TXLNB: variants seen among roughly 807,000 people sequenced by gnomAD.
TXLNB encodes beta-taxilin.
Under a neutral mutation model 57.4 loss-of-function variants are expected in TXLNB, and 37 were observed. The observed-to-expected ratio is 0.64, with a 90% CI of 0.50 to 0.85. The LOEUF is 0.85. Among genes scored for constraint, TXLNB ranks in the 40% least tolerant of loss-of-function variants. The pLI is 0.00. For synonymous variants in TXLNB, 302 were observed against 309.6 expected (o/e 0.98, Z 0.26); for missense variants, 848 against 825.6 (o/e 1.03, Z -0.33).
rs547417358 is a variant in TXLNB at position 139,240,090 on chromosome 6, T to C, written c.*2436A>G. 3 of 152,038 alleles carry C rather than the reference T, an allele frequency of 2.0e-5. No homozygotes were observed. Among genetic ancestry groups the C allele is most frequent in the East Asian group, 1.9e-4 (1 of 5,192 alleles). The allele number at this position is 152,038 out of a possible 1,614,324, so 9.4% of individuals were successfully genotyped here. On this transcript the variant is annotated 3_prime_UTR_variant, in exon 10 of 10. Transcript: ENST00000358430. ...GGAAGAGAAGTACCTTTTTAATAGA[T>C]ATATAAATTATAGTTATTTAACTTA...
the TXLNB span, chr6:139,180,774 A>G: frequency 1.3e-5 from 2 of 152,628 alleles, no homozygotes; most frequent in African/African-American, 2.4e-5. Context: ...AAATGTATGT[A>G]TTAAAAATAA....
At chr6:139,190,161 T>A in the TXLNB span, among the ~76,000 whole-genome samples, 1 of 152,198 alleles carries the variant, frequency 6.6e-6, no homozygotes, top group South Asian at 2.1e-4. Context: ...TGATTCTTAG[T>A]CTGTTCAGGC....
chr6:139,208,902 C>T, the TXLNB span, among the ~76,000 whole-genome samples: 1 of 152,134 alleles, frequency 6.6e-6, no homozygotes, highest in Non-Finnish European at 1.5e-5. Flanking sequence ...CCCACTTTCA[C>T]CACTTCCATT....
chr6:139,184,057 A>AGC, the TXLNB span, among the ~76,000 whole-genome samples: 76 of 152,316 alleles, frequency 5.0e-4, no homozygotes, highest in Middle Eastern at 3.4e-3. Flanking sequence ...TTGTGGAGTC[A>AGC]GCGCTTCGTG....
intron 3 of TXLNB, among the ~76,000 whole-genome samples, chr6:139,274,105 A>G (rs949394527): frequency 3.3e-5 from 5 of 152,254 alleles, no homozygotes; most frequent in Non-Finnish European, 7.3e-5. Flanking sequence ...TCTTAACTAC[A>G]TAAGAATTGA....
chr6:139,288,988 GATATCCCCCAA>G, intron 1 of TXLNB, 75 bp from the exon 2 acceptor site: 1 of 1,078,814 alleles, frequency 9.3e-7, no homozygotes, highest in Non-Finnish European at 1.3e-6. Flanking sequence ...CAATGGTAAG[GATATCCCCCAA>G]GTGAATACCA....
At chr6:139,185,337 A>G in the TXLNB span, among the ~76,000 whole-genome samples, 1 of 152,198 alleles carries the variant, frequency 6.6e-6, no homozygotes, top group Admixed American at 6.5e-5. Context: ...CCTTTGATGA[A>G]TAATATATGA....
Position 139,270,465 on chromosome 6 carries a change from CTTG to C in TXLNB, c.675_677del (p.Asn225del), listed in dbSNP as rs761862584. ...AGGCATGGGGACATACCTTCAGAGT[CTTG>C]TTGTGTCTCTGCAGCTCCCGGCACA... On this transcript the variant is annotated inframe_deletion, in exon 4 of 10. Transcript: ENST00000358430. The C allele has an allele frequency of 3.7e-5, 59 of 1,613,806 alleles. No homozygotes were observed. The highest frequency in any genetic ancestry group is 3.3e-4 in the Middle Eastern group (2 of 6,062).
At chr6:139,305,579 TA>T in the TXLNB span, among the ~76,000 whole-genome samples, 15 of 152,224 alleles carry the variant, frequency 9.9e-5, no homozygotes. Flanking sequence ...TATCAGTTTA[TA>T]AATTGTTAGA....
the TXLNB span, among the ~76,000 whole-genome samples, chr6:139,163,097 C>G: frequency 6.6e-6 from 1 of 152,216 alleles, no homozygotes; most frequent in Non-Finnish European, 1.5e-5. Flanking sequence ...CTCATTTTGG[C>G]TGGGACTTTT....
At chr6:139,254,894 C>T (rs1232048299) in intron 7 of TXLNB, among the ~76,000 whole-genome samples, 1 of 151,922 alleles carries the variant, frequency 6.6e-6, no homozygotes, top group African/African-American at 2.4e-5. Flanking sequence ...TCTCGGCTCA[C>T]TGCAGCCTCC....
chr6:139,194,879 T>G, the TXLNB span, among the ~76,000 whole-genome samples: 4 of 152,252 alleles, frequency 2.6e-5, no homozygotes, highest in Non-Finnish European at 1.5e-5. Flanking sequence ...GAGGTCTCCC[T>G]GCTATTCTTC....
At chr6:139,245,984 C>T (rs140024453) in intron 8 of TXLNB, among the ~76,000 whole-genome samples, 1 of 152,266 alleles carries the variant, frequency 6.6e-6, no homozygotes, top group Non-Finnish European at 1.5e-5. Flanking sequence ...TGAGCCACTG[C>T]GCCCAGCCAG....
At chr6:139,194,179 G>C in the TXLNB span, among the ~76,000 whole-genome samples, 2 of 152,138 alleles carry the variant, frequency 1.3e-5, no homozygotes, top group African/African-American at 4.8e-5. Context: ...TTGTCCTCAT[G>C]ATCCACCCGC....
chr6:139,168,974 C>T, the TXLNB span, among the ~76,000 whole-genome samples: 2 of 151,912 alleles, frequency 1.3e-5, no homozygotes, highest in Non-Finnish European at 2.9e-5. Context: ...CCATCTCCAC[C>T]CCTCCATGAA....
chr6:139,318,269 CAAAA>C, the TXLNB span, among the ~76,000 whole-genome samples: 1 of 56,660 alleles, frequency 1.8e-5, no homozygotes. Flanking sequence ...GACTCTGTCT[CAAAA>C]AAAAAAAAAA....
rs141992071 is a variant in TXLNB at position 139,248,324 on chromosome 6, C to T, written c.1078-415G>A. 1.9e-3 allele frequency among the ~76,000 whole-genome samples: 295 copies of T among 151,532 alleles called. 5 individuals carry two copies. The East Asian group carries it at 0.025, about 13-fold the overall frequency. On this transcript the variant is annotated intron_variant, in intron 7 of 9. Transcript: ENST00000358430. ...CATTCTGGCCAACATGGTGAAACCC[C>T]GTCTCTACTAAAAATACAAAAATTA...
At chr6:139,289,462 C>T (rs192125413) in intron 1 of TXLNB, among the ~76,000 whole-genome samples, 80 of 152,250 alleles carry the variant, frequency 5.3e-4, no homozygotes, top group African/African-American at 1.9e-3. Flanking sequence ...CGCTCCCGGC[C>T]GATTAAACTG....
chr6:139,242,070 G>GTA lies in TXLNB; in HGVS notation c.*454_*455dup, dbSNP rs1230609445. ...ATACATATAATAAGTACACACGTAT[G>GTA]TATATATTATGTATATGTATAGTTT... On this transcript the variant is annotated 3_prime_UTR_variant, in exon 10 of 10. Coordinates refer to ENST00000358430, the MANE Select transcript of TXLNB (RefSeq NM_153235.4). 1 of 152,650 alleles carries GTA rather than the reference G, an allele frequency of 6.6e-6. No homozygotes were observed. The highest frequency in any genetic ancestry group is 1.5e-5 in the Non-Finnish European group (1 of 68,478). 9.5% of individuals were successfully genotyped at this position (152,650 alleles called of 1,614,324 possible). A position where few individuals can be genotyped will look rare whatever the true frequency, so the allele number is the denominator to read the frequency against.
Sources: gnomAD v4.1 joint callset for allele counts (sites outside exome capture counted in the v4.1 genomes callset) on GRCh38, gnomAD v4.1.1 for gene constraint, MANE v1.5 for transcripts, NCBI Gene and HGNC (gene_info 2026-07-23, HGNC 2026-07-21) for gene names.